The following MUC12 variants were observed in gnomAD, a reference collection of about 807,000 sequenced individuals.
MUC12 encodes the protein mucin 12, cell surface associated.
In MUC12, 172 loss-of-function variants were observed where a neutral mutation model predicts 230.8. The observed-to-expected ratio is 0.75, with a 90% CI of 0.66 to 0.85. The LOEUF (loss-of-function observed/expected upper bound fraction) is 0.85, where lower values mean the gene tolerates loss of function less well. Ranked by LOEUF, MUC12 falls within the 40% of genes least tolerant of loss-of-function variation. The pLI is 0.00. For missense variants in MUC12, 3,506 were observed against 5,920.6 expected (o/e 0.59, Z 13.38); for synonymous variants, 1,259 against 2,401.9 (o/e 0.52, Z 13.91).
chr7:100,985,015 C>T (rs889816047), intron 1 of MUC12, among the ~76,000 whole-genome samples: 2 of 151,914 alleles, frequency 1.3e-5, no homozygotes, highest in African/African-American at 2.4e-5. Context: ...TACAGGCACC[C>T]GCCACCACGC....
chr7:101,005,594 A>T (rs6964653), intron 2 of MUC12, 75 bp downstream of exon 2: 208,271 of 1,423,720 alleles, frequency 0.15, 17,132 homozygotes, highest in African/African-American at 0.32. Flanking sequence ...ATCCATTACA[A>T]CCTCTCTTGG....
rs1563089264 is a variant in MUC12, at chr7:100,990,994, CCAGAT to C, written c.434_438del (p.Arg145ThrfsTer17). 6.5e-7 allele frequency: 1 copy of C among 1,537,884 alleles called. No homozygotes were observed. Among genetic ancestry groups the C allele is most frequent in the African/African-American group, 1.4e-5 (1 of 73,140 alleles). ...AAATCTACCACCTTCTACAGTAGCC[CCAGAT>C]CACCAGACAGAACACTCTCACCTGC... On this transcript the variant is annotated frameshift_variant, in exon 2 of 12. Coordinates refer to ENST00000536621, the MANE Select transcript of MUC12 (RefSeq NM_001164462.2). LOFTEE classifies it high-confidence loss of function.
intron 5 of MUC12, among the ~76,000 whole-genome samples, chr7:101,012,071 T>TCGCAA (rs1793845900): frequency 6.6e-6 from 1 of 152,200 alleles, no homozygotes; most frequent in African/African-American, 2.4e-5. Context: ...GAGAGATGAA[T>TCGCAA]TTCACTCATT....
At position 100,991,569 on chromosome 7, in the gene MUC12, A is replaced by C; in HGVS notation, c.1006A>C (p.Ser336Arg). The C allele has an allele frequency of 1.3e-6, 2 of 1,537,344 alleles. No individual in the cohort carries two copies. The highest frequency in any genetic ancestry group is 1.7e-6 in the Non-Finnish European group (2 of 1,146,634). ...TGAGGAATCGACACCAGTCCACAGC[A>C]GCCCAGTTGCAACTGCAACAACACC... ...HSEESTPVHS[S>R]PVATATTPPP... Residue 336 changes from serine to arginine, a missense_variant, in exon 2 of 12, where the codon AGC becomes CGC. By Grantham distance (110) the Ser-to-Arg change is moderately radical (BLOSUM62 -1). Coordinates refer to ENST00000536621, the MANE Select transcript of MUC12 (RefSeq NM_001164462.2).
chr7:101,007,103 C>A (rs1039743125), intron 3 of MUC12, among the ~76,000 whole-genome samples: 1 of 152,084 alleles, frequency 6.6e-6, no homozygotes, highest in East Asian at 1.9e-4. Flanking sequence ...AGATTAGAGG[C>A]ATGGGCCACC....
chr7:100,988,253 G>A (rs1417802460), intron 1 of MUC12, among the ~76,000 whole-genome samples: 8 of 142,192 alleles, frequency 5.6e-5, no homozygotes, highest in African/African-American at 7.9e-5. Context: ...CCGAGATCGC[G>A]CCAATGCACT....
intron 5 of MUC12, among the ~76,000 whole-genome samples, chr7:101,011,854 G>T (rs1246766883): frequency 6.6e-6 from 1 of 152,042 alleles, no homozygotes; most frequent in Non-Finnish European, 1.5e-5. Context: ...AAAACACAAG[G>T]GTACAAATAT....
chr7:100,989,099 CTTTT>C (rs61570080), intron 1 of MUC12, among the ~76,000 whole-genome samples: 2 of 134,004 alleles, frequency 1.5e-5, no homozygotes, highest in African/African-American at 2.9e-5. Context: ...TCCTCTTCTT[CTTTT>C]TTTTTTTTTT....
At chr7:100,972,442 G>T (rs1792925945) in intron 1 of MUC12, among the ~76,000 whole-genome samples, 1 of 152,254 alleles carries the variant, frequency 6.6e-6, no homozygotes. Flanking sequence ...CCTGCTCTGG[G>T]AATGGATTCT....
In MUC12 at chr7:100,995,786, G is replaced by T. The variant is rs1562786237; in HGVS notation, c.5223G>T (p.Ser1741=). The part of the protein sequence containing the change: ...SSTTLGRSEE[S]TTVHSSPVAT... ...CAACCTTGGGCCGTAGTGAGGAATC[G>T]ACAACAGTCCACAGCAGCCCAGTTG... is the stretch of plus-strand genomic sequence containing the variant. The change falls in exon 2 of 12, where the codon TCG becomes TCT. Residue 1741 remains serine (S), a synonymous_variant. Transcript: ENST00000536621. The T allele has an allele frequency of 3.3e-6, 5 of 1,513,610 alleles. No homozygotes were observed. The highest frequency in any genetic ancestry group is 4.4e-6 in the Non-Finnish European group (5 of 1,134,414). 93.8% of individuals were successfully genotyped at this position (1,513,610 alleles called of 1,614,324 possible). A position where few individuals can be genotyped will look rare whatever the true frequency, so the allele number is the denominator to read the frequency against.
chr7:101,004,607 G>C lies in MUC12; in HGVS notation c.14044G>C (p.Glu4682Gln). Residue 4682 changes from glutamate (E) to glutamine (Q), a missense_variant, in exon 2 of 12, where the codon GAA (glutamate) becomes CAA (glutamine). Physicochemically the swap from Glu to Gln is conservative, Grantham distance 29. Coordinates refer to ENST00000536621, the MANE Select transcript of MUC12 (RefSeq NM_001164462.2). ...ESSTTSGRSE[E>Q]STASHSSPDT... ...CTCCACAACCTCCGGCCGTAGTGAG[G>C]AATCAACAGCATCCCACAGCAGCCC... 1.3e-6 allele frequency: 2 copies of C among 1,536,832 alleles called. No individual in the cohort carries two copies. The highest frequency in any genetic ancestry group is 1.7e-6 in the Non-Finnish European group (2 of 1,146,150).
Position 101,004,566 on chromosome 7 carries a change from C to T in MUC12, c.14003C>T (p.Thr4668Ile), listed in dbSNP as rs1398798194. The T allele has an allele frequency of 3.3e-6, 5 of 1,537,374 alleles. No individual in the cohort carries two copies. In the African/African-American group the frequency reaches 4.1e-5, roughly 13 times the overall value. ...AGCAGCCCGGGCTCAATTGCAACAA[C>T]ACACTTTCCTGAGAGCTCCACAACC... ...YHSSPGSIAT[T>I]HFPESSTTSG... The change falls in exon 2 of 12, where the codon ACA becomes ATA. Residue 4668 changes from threonine to isoleucine, a missense_variant. Coordinates refer to ENST00000536621, the MANE Select transcript of MUC12 (RefSeq NM_001164462.2).
intron 1 of MUC12, among the ~76,000 whole-genome samples, chr7:100,970,607 G>T (rs1387972711): frequency 6.6e-6 from 1 of 152,056 alleles, no homozygotes; most frequent in Non-Finnish European, 1.5e-5. Flanking sequence ...CAGTTGCAGG[G>T]TCTCGCCTGC....
intron 2 of MUC12, among the ~76,000 whole-genome samples, chr7:101,005,935 T>C (rs1390275396): frequency 1.3e-5 from 2 of 152,042 alleles, no homozygotes; most frequent in Non-Finnish European, 2.9e-5. Context: ...GTGGCTTGGA[T>C]TACAGGTGCC....
At position 100,994,104 on chromosome 7, in the gene MUC12, G is replaced by A. The variant is rs558942829; in HGVS notation, c.3541G>A (p.Val1181Ile). ...GTTCCCTCACAGCACCACAACCTCA[G>A]TTCATGGTGAAGAGCCTACAACCTT... Reference protein sequence around the residue: ...TVFPHSTTTSVHGEEPTTFHS... With the variant: ...TVFPHSTTTSIHGEEPTTFHS... The change falls in exon 2 of 12, where the codon GTT becomes ATT. Residue 1181 changes from valine (V) to isoleucine (I), a missense_variant. Coordinates refer to ENST00000536621, the MANE Select transcript of MUC12 (RefSeq NM_001164462.2). 1.5e-4 allele frequency: 152 copies of A among 1,028,172 alleles called. 58 individuals carry two copies. Among genetic ancestry groups the A allele is most frequent in the Admixed American group, 2.7e-4 (11 of 40,374 alleles). 63.7% of individuals were successfully genotyped at this position (1,028,172 alleles called of 1,614,324 possible).
chr7:101,008,838 G>A, intron 4 of MUC12, 77 bp downstream of exon 4: 1 of 1,472,790 alleles, frequency 6.8e-7, no homozygotes, highest in Non-Finnish European at 9.0e-7. Context: ...CCCCAACTTA[G>A]TGATCTGAGT....
Position 100,993,592 on chromosome 7 carries a change from C to T in MUC12, c.3029C>T (p.Thr1010Ile). The part of the protein sequence containing the change: ...STHTTPSPPS[T>I]ATAPVEESTT... The stretch of plus-strand genomic sequence containing the variant: ...CACACAACGCCTTCACCTCCTAGCA[C>T]CGCAACAGCCCCTGTTGAAGAATCT... Residue 1010 changes from threonine to isoleucine, a missense_variant, in exon 2 of 12, where the codon ACC becomes ATC. Transcript: ENST00000536621. The T allele has an allele frequency of 1.1e-6, 1 of 923,912 alleles. No individual in the cohort carries two copies. 57.2% of individuals were successfully genotyped at this position (923,912 alleles called of 1,614,324 possible).
intron 1 of MUC12, among the ~76,000 whole-genome samples, chr7:100,977,470 A>G (rs560114804): frequency 1.3e-5 from 2 of 151,630 alleles, no homozygotes; most frequent in East Asian, 3.9e-4. Flanking sequence ...GGTTCAAGCA[A>G]TTCTCCTGCC....
rs1793857854 is a variant in MUC12, at chr7:101,012,849, CT to C, written c.15437del (p.Phe5146SerfsTer6). The C allele has an allele frequency of 6.5e-7, 1 of 1,537,176 alleles. No individual in the cohort carries two copies. Among genetic ancestry groups the C allele is most frequent in the African/African-American group, 1.4e-5 (1 of 73,058 alleles). On this transcript the variant is annotated frameshift_variant, in exon 7 of 12. Coordinates refer to ENST00000536621, the MANE Select transcript of MUC12 (RefSeq NM_001164462.2). LOFTEE classifies it high-confidence loss of function. ...ATACTGTGCTATAGTGAAGAGGACA[CT>C]TTCGTGGATTCATCGGTGACTCCGG... Reference protein sequence around the residue: ...KAILCYSEEDTFVDSSVTPGF... With the variant: ...KAILCYSEEDXFVDSSVTPGF...
Sources: gnomAD v4.1 joint callset for allele counts (sites outside exome capture counted in the v4.1 genomes callset) on GRCh38, gnomAD v4.1.1 for gene constraint, MANE v1.5 for transcripts, NCBI Gene and HGNC (gene_info 2026-07-23, HGNC 2026-07-21) for gene names.